Variants in LAMA3 observed in about 807,000 individuals in gnomAD.
LAMA3 encodes laminin subunit alpha 3, also known as laminin subunit alpha-3.
LAMA3 carries 281 observed loss-of-function variants against 402.0 expected under a neutral mutation model. The observed-to-expected ratio is 0.70, with a 90% CI of 0.63 to 0.77. The LOEUF is 0.77. Ranked by LOEUF, LAMA3 falls within the 30% of genes least tolerant of loss-of-function variation. The pLI, the probability that LAMA3 is intolerant of heterozygous loss-of-function variation, is 0.00. For synonymous variants in LAMA3, 1,431 were observed against 1,558.4 expected (o/e 0.92, Z 1.93); for missense variants, 3,840 against 4,215.5 (o/e 0.91, Z 2.47).
chr18:23,881,705 A>G (rs2064900833), intron 39 of LAMA3, among the ~76,000 whole-genome samples: 1 of 152,190 alleles, frequency 6.6e-6, no homozygotes, highest in Non-Finnish European at 1.5e-5. Flanking sequence ...TGTCCCCACT[A>G]TGTCACGCTG....
In LAMA3 at chr18:23,918,950, T is replaced by C. The variant is rs2081737329; in HGVS notation, c.7924-1985T>C. On this transcript the variant is annotated intron_variant, in intron 60 of 74. Transcript: ENST00000313654. This position sits in a 1 kb window ranked among gnomAD's most constrained non-coding sequence, Gnocchi z 4.1. Reference sequence around the variant, plus strand: ...GGAAGGTCCCAGCCAGCCTGAAGGATACATAGAGCAGAGAAGTCATCCAGC... The same window carrying C: ...GGAAGGTCCCAGCCAGCCTGAAGGACACATAGAGCAGAGAAGTCATCCAGC... 6.6e-6 allele frequency among the ~76,000 whole-genome samples: 1 copy of C among 152,190 alleles called. No individual in the cohort carries two copies. Among genetic ancestry groups the C allele is most frequent in the Non-Finnish European group, 1.5e-5 (1 of 68,036 alleles).
chr18:23,930,903 A>G (rs1001904275), intron 64 of LAMA3, among the ~76,000 whole-genome samples, 159 bp from the exon 65 acceptor site: 1 of 152,236 alleles, frequency 6.6e-6, no homozygotes, highest in Non-Finnish European at 1.5e-5. Context: ...GGAGTCAAAT[A>G]TGCAAAAAAT....
chr18:23,921,480 A>C lies in LAMA3; in HGVS notation c.8072A>C (p.Lys2691Thr). ...CAGATCAAAATTGGAAAACTCCAAAAGCGTATGTGGATAAATGTGGACGTT... is the reference window on the plus strand; with the variant it reads ...CAGATCAAAATTGGAAAACTCCAAACGCGTATGTGGATAAATGTGGACGTT... ...SIQIKIGKLQ[K>T]RMWINVDVQN... Residue 2691 changes from lysine to threonine, a missense_variant, in exon 62 of 75, where the codon AAG (lysine) becomes ACG (threonine). Coordinates refer to ENST00000313654, the MANE Select transcript of LAMA3 (RefSeq NM_198129.4). The C allele has an allele frequency of 6.2e-7, 1 of 1,613,796 alleles. No individual in the cohort carries two copies.
chr18:23,835,528 A>G (rs2063564823), intron 24 of LAMA3, among the ~76,000 whole-genome samples: 1 of 152,206 alleles, frequency 6.6e-6, no homozygotes, highest in African/African-American at 2.4e-5. Context: ...TGACAACACC[A>G]AAGTCCTGCT....
chr18:23,939,263 A>T lies in LAMA3; in HGVS notation c.8903A>T (p.Lys2968Met). 1 of 1,614,200 alleles carries T rather than the reference A, an allele frequency of 6.2e-7. No homozygotes were observed. Among genetic ancestry groups the T allele is most frequent in the Non-Finnish European group, 8.5e-7 (1 of 1,180,018 alleles). ...DTPVASPRSV[K>M]VWQDACSPLP... ...CCAGTGGCCTCCCCAAGGAGCGTGA[A>T]GGTGTGGCAAGATGCTTGCTCACCA... Residue 2968 changes from lysine (K) to methionine (M), a missense_variant, in exon 68 of 75, where the codon AAG becomes ATG. Physicochemically the swap from Lys to Met is moderately conservative, Grantham distance 95 (BLOSUM62 -1). Transcript: ENST00000313654.
chr18:23,911,789 A>G (rs996184313), intron 55 of LAMA3, among the ~76,000 whole-genome samples: 9 of 147,214 alleles, frequency 6.1e-5, no homozygotes, highest in African/African-American at 1.2e-4. Flanking sequence ...TAATATATGC[A>G]TATATATTTA....
intron 42 of LAMA3, among the ~76,000 whole-genome samples, chr18:23,893,453 C>T (rs1204967772): frequency 1.3e-5 from 2 of 151,876 alleles, no homozygotes; most frequent in South Asian, 2.1e-4. Context: ...CATGGTGGTG[C>T]GCGCCTGTAG....
intron 13 of LAMA3, 54 bp downstream of exon 13, chr18:23,810,557 G>T (rs2063049282): frequency 1.2e-6 from 2 of 1,606,750 alleles, no homozygotes; most frequent in Non-Finnish European, 1.7e-6. Context: ...AGTGTGTGCA[G>T]CCAGCCTCCC....
chr18:23,896,774 A>G, intron 44 of LAMA3, among the ~76,000 whole-genome samples: 1 of 152,154 alleles, frequency 6.6e-6, no homozygotes, highest in East Asian at 1.9e-4. Flanking sequence ...ACATACTCTC[A>G]ACGCCACTAT....
At chr18:23,711,481 G>A (rs1046640866) in intron 1 of LAMA3, among the ~76,000 whole-genome samples, 7 of 152,186 alleles carry the variant, frequency 4.6e-5, no homozygotes, top group African/African-American at 1.7e-4. Context: ...AAATGAAAGA[G>A]ACCTTCAGGC....
At chr18:23,859,507 C>T (rs1403650867) in intron 34 of LAMA3, among the ~76,000 whole-genome samples, 4 of 152,188 alleles carry the variant, frequency 2.6e-5, no homozygotes, top group Non-Finnish European at 4.4e-5. Context: ...GCCCACTCCT[C>T]ATGTTTATAA....
At chr18:23,706,450 T>G (rs1325757715) in intron 1 of LAMA3, among the ~76,000 whole-genome samples, 1 of 152,230 alleles carries the variant, frequency 6.6e-6, no homozygotes, top group Non-Finnish European at 1.5e-5. Context: ...ATGTCTTTTC[T>G]AACTCTGGTT....
chr18:23,951,200 C>A (rs1302912844), intron 72 of LAMA3, among the ~76,000 whole-genome samples: 1 of 152,210 alleles, frequency 6.6e-6, no homozygotes, highest in Non-Finnish European at 1.5e-5. Context: ...GCTCCCGATG[C>A]GTGCCCAGAG....
intron 73 of LAMA3, 32 bp from the exon 74 acceptor site, chr18:23,952,958 G>A (rs982326616): frequency 5.6e-6 from 9 of 1,613,290 alleles, no homozygotes; most frequent in South Asian, 1.1e-5. Flanking sequence ...GCTCACCTCC[G>A]ATGATAGACC....
intron 65 of LAMA3, 73 bp downstream of exon 65, chr18:23,931,274 GTC>G (rs1368975781): frequency 6.5e-6 from 9 of 1,388,188 alleles, no homozygotes; most frequent in Non-Finnish European, 9.2e-6. Flanking sequence ...ATTTTCTGGT[GTC>G]TTTTTGCAAA....
intron 44 of LAMA3, chr18:23,898,516 T>C: frequency 1.7e-6 from 1 of 576,024 alleles, no homozygotes; most frequent in Non-Finnish European, 3.1e-6. Context: ...AGCTCTTATC[T>C]CTTCACATTT....
chr18:23,810,279 C>T, intron 12 of LAMA3, 87 bp from the exon 13 acceptor site: 1 of 1,515,728 alleles, frequency 6.6e-7, no homozygotes, highest in Non-Finnish European at 9.2e-7. Context: ...TTTCTGGCTC[C>T]ACCCTCATGC....
At chr18:23,894,124 T>C (rs1028639505) in intron 42 of LAMA3, among the ~76,000 whole-genome samples, 174 bp from the exon 43 acceptor site, 1 of 151,870 alleles carries the variant, frequency 6.6e-6, no homozygotes, top group Non-Finnish European at 1.5e-5. Flanking sequence ...GTCTATTAGG[T>C]TGGTGCAAAA....
rs963505420 is a variant in LAMA3 at position 23,816,368 on chromosome 18, T to C, written c.2048-20T>C. 3 of 1,604,700 alleles carry C rather than the reference T, an allele frequency of 1.9e-6. No homozygotes were observed. In the African/African-American group the frequency reaches 4.0e-5, roughly 21 times the overall value. The stretch of plus-strand genomic sequence containing the variant: ...TGGAGATGGTTTAAGGTATAACTGC[T>C]GCTGTTTCCTGGCTTTCAGGGTGTC... On this transcript the variant is annotated intron_variant, in intron 17 of 74. Transcript: ENST00000313654.
Sources: gnomAD v4.1 joint callset for allele counts (sites outside exome capture counted in the v4.1 genomes callset) on GRCh38, gnomAD v4.1.1 for gene constraint, Gnocchi (gnomAD v3.1) non-coding constraint, MANE v1.5 for transcripts, NCBI Gene and HGNC (gene_info 2026-07-23, HGNC 2026-07-21) for gene names.